CATSPERE: variants seen among roughly 807,000 people sequenced by gnomAD.
CATSPERE encodes cation channel sperm-associated auxiliary subunit epsilon.
In CATSPERE, 93 loss-of-function variants were observed where a neutral mutation model predicts 114.1. The observed-to-expected ratio is 0.81, with a 90% confidence interval of 0.69 to 0.97. CATSPERE has a LOEUF of 0.97. Among genes scored for constraint, CATSPERE ranks in the 50% least tolerant of loss-of-function variants. The pLI is 0.00. For missense variants in CATSPERE, 1,058 were observed against 1,131.6 expected, an observed-to-expected ratio of 0.93 and a Z score of 0.93; for synonymous variants, 341 against 384.1, an observed-to-expected ratio of 0.89 and a Z score of 1.31.
chr1:244,490,434 T>C lies in CATSPERE; in HGVS notation c.327-13T>C. 1 of 1,537,212 alleles carries C rather than the reference T, an allele frequency of 6.5e-7. No homozygotes were observed. Among genetic ancestry groups the C allele is most frequent in the East Asian group, 2.3e-5 (1 of 44,010 alleles). ...GCTGTTTACTAAAATATGTTTCCTC[T>C]TTTTCCAAGCAGACATTTCTTTAAC... On this transcript the variant is annotated splice_polypyrimidine_tract_variant and intron_variant, in intron 5 of 21. Transcript: ENST00000366534.
chr1:244,462,155 T>G (rs1032758437), intron 1 of CATSPERE, among the ~76,000 whole-genome samples: 1 of 152,194 alleles, frequency 6.6e-6, no homozygotes, highest in African/African-American at 2.4e-5. Flanking sequence ...TACATTCCTC[T>G]CACCTTGTGC....
At chr1:244,555,153 G>A (rs150537478) in intron 9 of CATSPERE, among the ~76,000 whole-genome samples, 377 of 152,194 alleles carry the variant, frequency 2.5e-3, no homozygotes, top group African/African-American at 8.0e-3. Flanking sequence ...TTGGGAGGCC[G>A]AGGAGGGCAG....
chr1:244,539,939 A>AT (rs1658345210), intron 8 of CATSPERE, among the ~76,000 whole-genome samples: 2 of 34,354 alleles, frequency 5.8e-5, no homozygotes, highest in African/African-American at 9.7e-5. Flanking sequence ...TGGATTCATT[A>AT]ATTTTTTTGA....
intron 5 of CATSPERE, among the ~76,000 whole-genome samples, chr1:244,487,341 C>G (rs896204711): frequency 6.6e-6 from 1 of 152,118 alleles, no homozygotes; most frequent in African/African-American, 2.4e-5. Flanking sequence ...CCATATTTCC[C>G]TTCTCAATAG....
chr1:244,597,713 C>A (rs746157923), intron 17 of CATSPERE, among the ~76,000 whole-genome samples: 2 of 152,092 alleles, frequency 1.3e-5, no homozygotes, highest in African/African-American at 2.4e-5. Context: ...TTTTGAATAG[C>A]GGTTTAATGA....
intron 11 of CATSPERE, among the ~76,000 whole-genome samples, chr1:244,577,792 GT>G (rs1665516459): frequency 6.6e-6 from 1 of 152,126 alleles, no homozygotes; most frequent in South Asian, 2.1e-4. Context: ...CACTATCAGT[GT>G]AATAACATTT....
intron 5 of CATSPERE, among the ~76,000 whole-genome samples, chr1:244,480,929 T>C (rs1356943624): frequency 6.6e-6 from 1 of 152,174 alleles, no homozygotes; most frequent in Non-Finnish European, 1.5e-5. Flanking sequence ...GCTTTTCCTC[T>C]ATGGGTTCTG....
chr1:244,493,668 A>G (rs1280808675), intron 6 of CATSPERE, among the ~76,000 whole-genome samples: 6 of 152,218 alleles, frequency 3.9e-5, no homozygotes, highest in Non-Finnish European at 7.3e-5. Context: ...CAGGCAACCT[A>G]CAAAATGGGA....
At chr1:244,536,710 A>G (rs1031914490) in intron 8 of CATSPERE, among the ~76,000 whole-genome samples, 2 of 152,150 alleles carry the variant, frequency 1.3e-5, no homozygotes, top group African/African-American at 4.8e-5. Context: ...ATATGATGTT[A>G]AAACTAGATA....
chr1:244,452,913 TA>T (rs1307171351), upstream of CATSPERE, among the ~76,000 whole-genome samples: 2 of 152,170 alleles, frequency 1.3e-5, no homozygotes, highest in African/African-American at 2.4e-5. Flanking sequence ...TTAATTCTGA[TA>T]AAAGGTGCTT....
At chr1:244,628,948 T>G (rs1176081820) in intron 20 of CATSPERE, among the ~76,000 whole-genome samples, 1 of 152,234 alleles carries the variant, frequency 6.6e-6, no homozygotes, top group Non-Finnish European at 1.5e-5. Context: ...AGAGTTCATT[T>G]GAGCACTTCT....
chr1:244,618,125 A>AT (rs1204881302), intron 20 of CATSPERE, among the ~76,000 whole-genome samples: 1 of 152,238 alleles, frequency 6.6e-6, no homozygotes, highest in African/African-American at 2.4e-5. Flanking sequence ...GATTAATGCT[A>AT]TTTTGAGCAG....
chr1:244,588,434 A>G (rs779401441), intron 13 of CATSPERE, 48 bp from the exon 14 acceptor site: 1 of 1,373,574 alleles, frequency 7.3e-7, no homozygotes, highest in African/African-American at 1.4e-5. Flanking sequence ...ATTTTAGATC[A>G]TATGAATCAG....
intron 17 of CATSPERE, among the ~76,000 whole-genome samples, chr1:244,600,989 T>C (rs1669126548): frequency 6.6e-6 from 1 of 151,548 alleles, no homozygotes; most frequent in Admixed American, 6.6e-5. Flanking sequence ...CAGAACAATC[T>C]GAATAATATA....
At chr1:244,529,619 C>A (rs1303194384) in intron 8 of CATSPERE, among the ~76,000 whole-genome samples, 1 of 152,012 alleles carries the variant, frequency 6.6e-6, no homozygotes, top group East Asian at 1.9e-4. Context: ...TGTGGATTGT[C>A]TCTTCAATTT....
chr1:244,582,999 A>T (rs1666463059), intron 12 of CATSPERE, among the ~76,000 whole-genome samples: 1 of 143,450 alleles, frequency 7.0e-6, no homozygotes, highest in Non-Finnish European at 1.5e-5. Flanking sequence ...GAGACTGATC[A>T]GGAAGAGTAG....
rs199853460 is a variant in CATSPERE at position 244,509,803 on chromosome 1, GGTAGATTTTA to G, written c.430-8788_430-8779del. Among the ~76,000 whole-genome samples the G allele has an allele frequency of 4.1e-4, 63 of 152,156 alleles. 1 individual carries two copies. The East Asian group carries it at 0.011, about 27-fold the overall frequency. On this transcript the variant is annotated intron_variant, in intron 7 of 21. Coordinates refer to ENST00000366534, the MANE Select transcript of CATSPERE (RefSeq NM_001130957.2). The stretch of plus-strand genomic sequence containing the variant: ...TTCTATTTCTTCCTGGTATAATCAT[GGTAGATTTTA>G]CGTGTCCAGGAATTTATTCATTTCC...
At chr1:244,602,740 T>C (rs1669437532) in intron 17 of CATSPERE, among the ~76,000 whole-genome samples, 1 of 152,212 alleles carries the variant, frequency 6.6e-6, no homozygotes, top group Admixed American at 6.5e-5. Context: ...AGGATTTCTT[T>C]GTTACCCTGC....
chr1:244,607,572 A>C lies in CATSPERE; in HGVS notation c.2403+1778A>C, dbSNP rs1220379563. On this transcript the variant is annotated intron_variant, in intron 18 of 21. Transcript: ENST00000366534. This position sits in a 1 kb window ranked among gnomAD's most constrained non-coding sequence, Gnocchi z 4.4. ...GACTGGTTCGCATGGCTGGAATATGAGCAGAAGTCATAGGTGTCACTTCCA... is the reference window on the plus strand; with the variant it reads ...GACTGGTTCGCATGGCTGGAATATGCGCAGAAGTCATAGGTGTCACTTCCA... Among the ~76,000 whole-genome samples the C allele has an allele frequency of 6.6e-6, 1 of 152,228 alleles. No individual in the cohort carries two copies. Among genetic ancestry groups the C allele is most frequent in the Non-Finnish European group, 1.5e-5 (1 of 68,050 alleles).
Sources: allele counts gnomAD v4.1 joint callset (sites outside exome capture counted in the v4.1 genomes callset), GRCh38; gene constraint gnomAD v4.1.1; non-coding constraint Gnocchi (gnomAD v3.1); transcripts MANE v1.5; gene names NCBI Gene and HGNC (gene_info 2026-07-23, HGNC 2026-07-21).